STRN4: variants seen among roughly 807,000 people sequenced by gnomAD.
STRN4 encodes the protein striatin 4, also known as striatin-4.
STRN4 carries 27 observed loss-of-function variants against 77.9 expected under a neutral mutation model. The ratio of observed to expected loss-of-function variants is 0.35; its 90% CI spans 0.26 to 0.48. The LOEUF (loss-of-function observed/expected upper bound fraction) is 0.48, where lower values mean the gene tolerates loss of function less well. STRN4 is among the 20% of genes least tolerant of loss of function. The probability of loss-of-function intolerance (pLI) is 0.99; values close to 1 mark genes in which losing one functional copy is unlikely to be tolerated. For synonymous variants in STRN4, 466 were observed against 443.1 expected (o/e 1.05, Z -0.65); for missense variants, 798 against 1,049.7 (o/e 0.76, Z 3.31).
At chr19:46,739,961 G>C (rs916052991) in intron 1 of STRN4, among the ~76,000 whole-genome samples, 2 of 152,140 alleles carry the variant, frequency 1.3e-5, no homozygotes, top group African/African-American at 4.8e-5. Context: ...ACGGGAGGTA[G>C]GATCCCTTGG....
Position 46,720,581 on chromosome 19 carries a change from C to T in STRN4, c.*21G>A, listed in dbSNP as rs765335511. ...CCTACACCCCAGCCAGCGTGGCGGC[C>T]AGGGCAGGGCCAGGTGGGCATCATA... is the stretch of plus-strand genomic sequence containing the variant. On this transcript the variant is annotated 3_prime_UTR_variant, in exon 17 of 18. Transcript: ENST00000263280. 1.3e-6 allele frequency: 2 copies of T among 1,534,706 alleles called. No homozygotes were observed. Among genetic ancestry groups the T allele is most frequent in the Non-Finnish European group, 1.8e-6 (2 of 1,136,218 alleles).
At position 46,727,455 on chromosome 19, in the gene STRN4, G is replaced by A. The variant is rs561175623; in HGVS notation, c.1245C>T (p.Cys415=). Reference sequence around the variant, plus strand: ...GGGGGGCACCCGGAGAACTTACATCGCAGCTGAGGTCGTTGTCGTTGGTGA... The same window carrying A: ...GGGGGGCACCCGGAGAACTTACATCACAGCTGAGGTCGTTGTCGTTGGTGA... ...LTVTNDNDLS[C]DLSDSKDAFK... The change falls in exon 9 of 18, where the codon TGC becomes TGT. Residue 415 remains cysteine, a synonymous_variant. Coordinates refer to ENST00000263280, the MANE Select transcript of STRN4 (RefSeq NM_013403.3). 21 of 1,613,544 alleles carry A rather than the reference G, an allele frequency of 1.3e-5. No individual in the cohort carries two copies. The Middle Eastern group carries it at 6.6e-4, about 51-fold the overall frequency.
chr19:46,735,941 G>A (rs1359341387), intron 4 of STRN4, among the ~76,000 whole-genome samples: 1 of 151,268 alleles, frequency 6.6e-6, no homozygotes, highest in Non-Finnish European at 1.5e-5. Context: ...TCCAGCCTGG[G>A]CAACAAGAGC....
chr19:46,723,950 A>G lies in STRN4; in HGVS notation c.1595-666T>C, dbSNP rs993912956. 2.6e-5 allele frequency among the ~76,000 whole-genome samples: 4 copies of G among 152,212 alleles called. No homozygotes were observed. The highest frequency in any genetic ancestry group is 1.3e-4 in the Admixed American group (2 of 15,284). On this transcript the variant is annotated intron_variant, in intron 12 of 17. Transcript: ENST00000263280. The surrounding 1 kb of genome is among the most constrained non-coding windows in gnomAD (Gnocchi z 5.5). ...CAAGGTGGAGCACAGGGCCAGGTGC[A>G]TGATCAAGGAGGCAGAGCCGGGCGC...
intron 1 of STRN4, among the ~76,000 whole-genome samples, chr19:46,744,908 G>C (rs1555735182): frequency 6.6e-6 from 1 of 151,908 alleles, no homozygotes; most frequent in Non-Finnish European, 1.5e-5. Flanking sequence ...TGGACCTGAC[G>C]CTCCACGAGG....
chr19:46,725,675 G>A (rs763096207), intron 9 of STRN4, 27 bp from the exon 10 acceptor site: 5 of 1,608,894 alleles, frequency 3.1e-6, no homozygotes, highest in South Asian at 2.2e-5. Flanking sequence ...CTGCCTCAGT[G>A]TCTTCGCATC....
rs369601263 is a variant in STRN4 at position 46,727,928 on chromosome 19, C to T, written c.1119G>A (p.Pro373=). The stretch of plus-strand genomic sequence containing the variant: ...GCCGGGGCTGGGGTGTGCCAGGAGG[C>T]GGGCCAGTCACTTTTGGGGGCAGCC... ...VDGLPPKVTG[P]PPGTPQPRPH... Residue 373 remains proline (P), a synonymous_variant, in exon 8 of 18, where the codon CCG becomes CCA. Coordinates refer to ENST00000263280, the MANE Select transcript of STRN4 (RefSeq NM_013403.3). 11 of 1,612,342 alleles carry T rather than the reference C, an allele frequency of 6.8e-6. No individual in the cohort carries two copies. The highest frequency in any genetic ancestry group is 5.3e-5 in the African/African-American group (4 of 74,920).
At chr19:46,728,579 G>C in intron 7 of STRN4, 39 bp downstream of exon 7, 3 of 1,596,670 alleles carry the variant, frequency 1.9e-6, no homozygotes, top group Non-Finnish European at 2.6e-6. Flanking sequence ...CCCTCGGTGG[G>C]GAAGGCAAGC....
At position 46,727,368 on chromosome 19, in the gene STRN4, G is replaced by T. The variant is rs2054141566; in HGVS notation, c.1248+84C>A. 3 of 1,186,010 alleles carry T rather than the reference G, an allele frequency of 2.5e-6. No homozygotes were observed. In the African/African-American group the frequency reaches 4.5e-5, roughly 18 times the overall value. The allele number at this position is 1,186,010 out of a possible 1,614,324, so 73.5% of individuals were successfully genotyped here. A position where few individuals can be genotyped will look rare whatever the true frequency, so the allele number is the denominator to read the frequency against. ...TGTGAAACAGGATGAGCAGGGCACG[G>T]GCGGCACCCAGTCAGAGCTTGCAGG... On this transcript the variant is annotated intron_variant, in intron 9 of 17. Coordinates refer to ENST00000263280, the MANE Select transcript of STRN4 (RefSeq NM_013403.3).
In STRN4 at chr19:46,725,488, G is replaced by A. The variant is rs371804979; in HGVS notation, c.1409C>T (p.Ala470Val). 36 of 1,613,974 alleles carry A rather than the reference G, an allele frequency of 2.2e-5. No homozygotes were observed. The highest frequency in any genetic ancestry group is 1.5e-4 in the South Asian group (14 of 91,080). The change falls in exon 10 of 18, where the codon GCG becomes GTG. Residue 470 changes from alanine to valine, a missense_variant. By Grantham distance (64) the Ala-to-Val change is moderately conservative. Around this residue, in one of 2 missense-constraint regions of STRN4, gnomAD observed 287 missense variants for 473.8 expected, o/e 0.61. Coordinates refer to ENST00000263280, the MANE Select transcript of STRN4 (RefSeq NM_013403.3). ...GTLKLWNLQK[A>V]VTAKKNAALD... is the part of the protein sequence containing the mutation. ...CTGCCCTCACTTCTTGGCCGTGACC[G>A]CCTTCTGCAGGTTCCAGAGCTTGAG...
intron 11 of STRN4, 25 bp from the exon 12 acceptor site, chr19:46,724,953 G>A (rs1164460006): frequency 3.1e-6 from 5 of 1,613,544 alleles, no homozygotes; most frequent in Non-Finnish European, 4.2e-6. Context: ...TATGTGGAAA[G>A]GGGGATGAGA....
In STRN4 at chr19:46,720,790, C is replaced by T. The variant is rs768962337; in HGVS notation, c.2093-19G>A. The T allele has an allele frequency of 7.8e-6, 12 of 1,536,258 alleles. No homozygotes were observed. Among genetic ancestry groups the T allele is most frequent in the Non-Finnish European group, 1.1e-5 (12 of 1,133,724 alleles). ...TCATGGCCTGCACATGTGTCGGGGA[C>T]AGAAGGGGTGGTCACTGGGCTCCTC... On this transcript the variant is annotated intron_variant, in intron 16 of 17. Coordinates refer to ENST00000263280, the MANE Select transcript of STRN4 (RefSeq NM_013403.3).
Position 46,741,585 on chromosome 19 carries a change from C to T in STRN4, c.283-2697G>A, listed in dbSNP as rs980128166. 1.3e-5 allele frequency among the ~76,000 whole-genome samples: 2 copies of T among 152,186 alleles called. No individual in the cohort carries two copies. Among genetic ancestry groups the T allele is most frequent in the African/African-American group, 2.4e-5 (1 of 41,448 alleles). On this transcript the variant is annotated intron_variant, in intron 1 of 17. Transcript: ENST00000263280. The surrounding 1 kb of genome is among the most constrained non-coding windows in gnomAD (Gnocchi z 4.9). The stretch of plus-strand genomic sequence containing the variant: ...CGAGGGCCAAGGTAGGCCTGAGGGT[C>T]GGTCGGGGATCTGGAAGTGCCGCTC...
chr19:46,737,913 C>T lies in STRN4; in HGVS notation c.460+251G>A, dbSNP rs561397308. Among the ~76,000 whole-genome samples, 30 of 152,266 alleles carry T rather than the reference C, an allele frequency of 2.0e-4. 1 individual carries two copies. The highest frequency in any genetic ancestry group is 2.8e-4 in the Non-Finnish European group (19 of 68,006). On this transcript the variant is annotated intron_variant, in intron 3 of 17. Transcript: ENST00000263280. Reference sequence around the variant, plus strand: ...GCGCCCACTCCTCGCAAAGGGATCCCGTGAGCTGCTCGTGTGTCTGCCTCT... The same window carrying T: ...GCGCCCACTCCTCGCAAAGGGATCCTGTGAGCTGCTCGTGTGTCTGCCTCT...
intron 1 of STRN4, chr19:46,740,227 T>G (rs1045358587): frequency 9.2e-5 from 14 of 152,094 alleles, no homozygotes; most frequent in African/African-American, 3.4e-4. Context: ...AAGTGGAGAT[T>G]GCAGTGGGCC....
At chr19:46,728,204 T>C in intron 7 of STRN4, 197 bp from the exon 8 acceptor site, 1 of 690,676 alleles carries the variant, frequency 1.4e-6, no homozygotes, top group East Asian at 2.7e-5. Flanking sequence ...GTCACTGCCT[T>C]GCCTAGGCCT....
intron 3 of STRN4, among the ~76,000 whole-genome samples, chr19:46,737,582 C>T (rs2054393101): frequency 6.6e-6 from 1 of 150,898 alleles, no homozygotes; most frequent in African/African-American, 2.4e-5. Context: ...CCCAGGCACA[C>T]TGACCGACTC....
chr19:46,727,651 AAGAG>A (rs1191102414), intron 8 of STRN4, 105 bp from the exon 9 acceptor site: 2 of 964,366 alleles, frequency 2.1e-6, no homozygotes, highest in Non-Finnish European at 3.2e-6. Context: ...GATAAAGAGC[AAGAG>A]AGAGAGACGG....
At chr19:46,729,604 C>T (rs1218373147) in intron 6 of STRN4, among the ~76,000 whole-genome samples, 8 of 152,164 alleles carry the variant, frequency 5.3e-5, no homozygotes, top group African/African-American at 1.4e-4. Context: ...AGGCAGCGGC[C>T]GGGCTCAGGA....
Sources: gnomAD v4.1 joint callset for allele counts (sites outside exome capture counted in the v4.1 genomes callset) on GRCh38, gnomAD v4.1.1 for gene constraint, gnomAD v4.1.1 regional missense constraint, Gnocchi (gnomAD v3.1) non-coding constraint, MANE v1.5 for transcripts, NCBI Gene and HGNC (gene_info 2026-07-23, HGNC 2026-07-21) for gene names.